The following SCFD2 variants were observed in gnomAD, a reference collection of about 807,000 sequenced individuals.
The protein encoded by SCFD2 is sec1 family domain-containing protein 2.
A neutral mutation model predicts 58.9 loss-of-function variants in SCFD2; 54 were observed. The observed-to-expected ratio is 0.92, with a 90% confidence interval of 0.74 to 1.15. The LOEUF (loss-of-function observed/expected upper bound fraction) is 1.15. SCFD2 is among the 50% of genes most tolerant of loss of function. The pLI is 0.00. For missense variants in SCFD2, 805 were observed against 836.6 expected (o/e 0.96, Z 0.47); for synonymous variants, 321 against 335.9 (o/e 0.96, Z 0.49).
intron 5 of SCFD2, among the ~76,000 whole-genome samples, chr4:52,975,277 C>A (rs1315551698): frequency 6.6e-6 from 1 of 152,004 alleles, no homozygotes; most frequent in Non-Finnish European, 1.5e-5. Context: ...CTCATCTGAC[C>A]ATGGGCTAAT....
In SCFD2 at chr4:53,365,679, ATC is replaced by A; in HGVS notation, c.261_262del (p.Glu87AspfsTer29). ...ACTGCGGCAGATGATGTCCCGTAGGATCTCCACGGTCCGGCCTTTCAGCAGGC... is the reference window on the plus strand; with the variant it reads ...ACTGCGGCAGATGATGTCCCGTAGGATCCACGGTCCGGCCTTTCAGCAGGC... On this transcript the variant is annotated frameshift_variant, in exon 1 of 9. Coordinates refer to ENST00000401642, the MANE Select transcript of SCFD2 (RefSeq NM_152540.4). LOFTEE classifies it high-confidence loss of function. This position sits in a 1 kb window ranked among gnomAD's most constrained non-coding sequence, Gnocchi z 4.3. The A allele has an allele frequency of 6.2e-7, 1 of 1,614,146 alleles. No individual in the cohort carries two copies. Among genetic ancestry groups the A allele is most frequent in the African/African-American group, 1.3e-5 (1 of 75,032 alleles).
chr4:53,262,525 G>A (rs1730859911), intron 4 of SCFD2, among the ~76,000 whole-genome samples: 1 of 152,152 alleles, frequency 6.6e-6, no homozygotes, highest in Admixed American at 6.5e-5. Flanking sequence ...AGTTTTGCTG[G>A]ATACAAAATT....
intron 4 of SCFD2, among the ~76,000 whole-genome samples, chr4:53,201,818 GTCT>G (rs1209332287): frequency 6.6e-6 from 1 of 152,300 alleles, no homozygotes; most frequent in African/African-American, 2.4e-5. Context: ...CTACATAAAT[GTCT>G]TCTTCTGAGA....
At chr4:52,999,638 T>A (rs1721820634) in intron 5 of SCFD2, among the ~76,000 whole-genome samples, 1 of 152,224 alleles carries the variant, frequency 6.6e-6, no homozygotes, top group Admixed American at 6.5e-5. Context: ...CGAAGGGTCA[T>A]GTTTCCCCTG....
intron 4 of SCFD2, among the ~76,000 whole-genome samples, chr4:53,210,486 C>T (rs570245853): frequency 1.4e-4 from 21 of 152,080 alleles, no homozygotes; most frequent in African/African-American, 4.1e-4. Context: ...ATGTGTGATA[C>T]GACAACAGAT....
chr4:53,071,348 A>G (rs1017069792), intron 5 of SCFD2, among the ~76,000 whole-genome samples: 6 of 152,136 alleles, frequency 3.9e-5, no homozygotes, highest in Non-Finnish European at 7.4e-5. Flanking sequence ...GCTGAGCCTA[A>G]TATTAGGTGA....
chr4:53,202,502 A>G (rs1202386160), intron 4 of SCFD2, among the ~76,000 whole-genome samples: 6 of 150,858 alleles, frequency 4.0e-5, no homozygotes, highest in African/African-American at 7.3e-5. Flanking sequence ...TTGACTTGGC[A>G]ATGCAGGCTC....
chr4:53,243,695 G>GA (rs147983882), intron 4 of SCFD2, among the ~76,000 whole-genome samples: 11,010 of 142,210 alleles, frequency 0.077, 592 homozygotes, highest in East Asian at 0.22. Flanking sequence ...AAGCTGGAAA[G>GA]AAAAAAAAAA....
chr4:52,949,122 T>C (rs1196809254), intron 5 of SCFD2: 3 of 152,284 alleles, frequency 2.0e-5, no homozygotes, highest in Admixed American at 6.5e-5. Flanking sequence ...ATAAGTTCTA[T>C]AGGACACTCA....
chr4:53,332,287 AC>A (rs1733505820), intron 2 of SCFD2, among the ~76,000 whole-genome samples: 1 of 151,752 alleles, frequency 6.6e-6, no homozygotes. Flanking sequence ...GGGCAGAGAC[AC>A]AACCAAAAAA....
At chr4:52,883,024 A>G (rs1271121428) in intron 8 of SCFD2, among the ~76,000 whole-genome samples, 2 of 152,162 alleles carry the variant, frequency 1.3e-5, no homozygotes, top group Non-Finnish European at 2.9e-5. Flanking sequence ...GCTTGCCCAA[A>G]GGTCTTAGAC....
intron 4 of SCFD2, among the ~76,000 whole-genome samples, chr4:53,182,807 GA>G (rs944673116): frequency 4.8e-5 from 7 of 144,450 alleles, no homozygotes; most frequent in Admixed American, 2.8e-4. Flanking sequence ...AAATTTACAA[GA>G]AAAAAAAAAC....
At chr4:52,972,964 A>G (rs1368639753) in intron 5 of SCFD2, among the ~76,000 whole-genome samples, 1 of 152,222 alleles carries the variant, frequency 6.6e-6, no homozygotes, top group Non-Finnish European at 1.5e-5. Flanking sequence ...GTTCTTTGGA[A>G]CCAATGAGAA....
At chr4:53,018,802 A>G (rs919570318) in intron 5 of SCFD2, among the ~76,000 whole-genome samples, 1 of 152,190 alleles carries the variant, frequency 6.6e-6, no homozygotes, top group Non-Finnish European at 1.5e-5. Flanking sequence ...GTGTTCATGC[A>G]GGATGCATCA....
intron 2 of SCFD2, among the ~76,000 whole-genome samples, chr4:53,321,893 G>A (rs1577965711): frequency 1.3e-5 from 2 of 152,104 alleles, no homozygotes; most frequent in Non-Finnish European, 2.9e-5. Context: ...CACTTTCTGT[G>A]AGCTGGGCAT....
chr4:53,014,764 A>G (rs531282030), intron 5 of SCFD2, among the ~76,000 whole-genome samples: 1 of 152,354 alleles, frequency 6.6e-6, no homozygotes, highest in South Asian at 2.1e-4. Flanking sequence ...GAATAAATAC[A>G]CGAGCTTGGT....
At chr4:53,338,575 C>CTTTTTTTTTTTTCTTTTTT (rs1733753310) in intron 2 of SCFD2, among the ~76,000 whole-genome samples, 1 of 72,296 alleles carries the variant, frequency 1.4e-5, no homozygotes, top group Non-Finnish European at 2.5e-5. Context: ...GTATATTTTT[C>CTTTTTTTTTTTTCTTTTTT]TTTTTTTTTT....
rs145152806 is a variant in SCFD2 at position 53,116,204 on chromosome 4, G to A, written c.1561+29129C>T. Among the ~76,000 whole-genome samples, 36 of 152,116 alleles carry A rather than the reference G, an allele frequency of 2.4e-4. No individual in the cohort carries two copies. In the East Asian group the frequency reaches 6.6e-3, roughly 28 times the overall value. ...GGATGTATGTTAGTCAGGATAGAAA[G>A]GATTATGTTATAATAAAATGTTAAA... is the stretch of plus-strand genomic sequence containing the variant. On this transcript the variant is annotated intron_variant, in intron 5 of 8. Transcript: ENST00000401642.
intron 7 of SCFD2, among the ~76,000 whole-genome samples, chr4:52,901,728 G>C (rs1719204272): frequency 6.6e-6 from 1 of 152,182 alleles, no homozygotes; most frequent in African/African-American, 2.4e-5. Context: ...AGCAGAACAG[G>C]TGGAGATGAA....
Sources: allele counts gnomAD v4.1 joint callset (sites outside exome capture counted in the v4.1 genomes callset), GRCh38; gene constraint gnomAD v4.1.1; non-coding constraint Gnocchi (gnomAD v3.1); transcripts MANE v1.5; gene names NCBI Gene and HGNC (gene_info 2026-07-23, HGNC 2026-07-21).